The following DOCK1 variants were observed in gnomAD, a reference collection of about 807,000 sequenced individuals.
The protein encoded by DOCK1 is dedicator of cytokinesis 1.
In DOCK1, 138 loss-of-function variants were observed where a neutral mutation model predicts 262.7. That is an observed-to-expected ratio of 0.53 (90% confidence interval 0.46 to 0.61). DOCK1 has a LOEUF of 0.61. DOCK1 is among the 20% of genes least tolerant of loss of function. DOCK1 has a pLI of 0.00. For missense variants in DOCK1, 1,908 were observed against 2,370.7 expected, an observed-to-expected ratio of 0.80 and a Z score of 4.05; for synonymous variants, 866 against 867.4, an observed-to-expected ratio of 1.00 and a Z score of 0.03.
chr10:127,398,500 G>C (rs1178992823), intron 38 of DOCK1, among the ~76,000 whole-genome samples: 2 of 152,216 alleles, frequency 1.3e-5, no homozygotes, highest in African/African-American at 4.8e-5. Flanking sequence ...CTCCTGTGCT[G>C]CTGAGGGACC....
intron 26 of DOCK1, 126 bp downstream of exon 26, chr10:127,125,727 C>T: frequency 3.8e-6 from 5 of 1,321,258 alleles, no homozygotes; most frequent in South Asian, 1.9e-5. Flanking sequence ...CTTTTTGTCT[C>T]GGTAGAGTTG....
intron 27 of DOCK1, among the ~76,000 whole-genome samples, chr10:127,186,507 G>GC (rs1326283340): frequency 0.074 from 439 of 5,914 alleles, 18 homozygotes; most frequent in African/African-American, 0.13. Context: ...GGGAGAAACC[G>GC]CCCCCCCGCC....
At chr10:127,371,318 G>A (rs912733919) in intron 33 of DOCK1, among the ~76,000 whole-genome samples, 6 of 152,172 alleles carry the variant, frequency 3.9e-5, no homozygotes, top group Non-Finnish European at 5.9e-5. Context: ...TTGGACTAGG[G>A]TTAGTAAAAT....
intron 27 of DOCK1, among the ~76,000 whole-genome samples, chr10:127,202,646 T>C (rs1419221542): frequency 6.6e-6 from 1 of 152,192 alleles, no homozygotes; most frequent in Non-Finnish European, 1.5e-5. Flanking sequence ...AAGCCCTGAC[T>C]GAATATGAGA....
chr10:127,128,300 TC>T (rs2050094451), intron 27 of DOCK1, among the ~76,000 whole-genome samples: 1 of 151,880 alleles, frequency 6.6e-6, no homozygotes, highest in Non-Finnish European at 1.5e-5. Context: ...TAAGTCTGTT[TC>T]CTTCAGCAAA....
At chr10:127,391,024 C>T (rs946967536) in intron 38 of DOCK1, among the ~76,000 whole-genome samples, 22 of 152,320 alleles carry the variant, frequency 1.4e-4, no homozygotes, top group African/African-American at 5.3e-4. Context: ...GGAAGCTGCC[C>T]ACTGTCCTGT....
intron 29 of DOCK1, among the ~76,000 whole-genome samples, chr10:127,327,889 T>G (rs1386799731): frequency 6.6e-6 from 1 of 152,176 alleles, no homozygotes; most frequent in African/African-American, 2.4e-5. Context: ...CTGTCACTTA[T>G]AGATCACTTA....
intron 29 of DOCK1, among the ~76,000 whole-genome samples, chr10:127,301,814 C>T (rs377354270): frequency 2.0e-5 from 3 of 151,866 alleles, no homozygotes; most frequent in South Asian, 4.2e-4. Flanking sequence ...GGCATGGTGG[C>T]GGGTGCCTGT....
At chr10:127,050,486 G>A (rs1342127919) in intron 21 of DOCK1, among the ~76,000 whole-genome samples, 1 of 152,160 alleles carries the variant, frequency 6.6e-6, no homozygotes, top group East Asian at 1.9e-4. Flanking sequence ...GCTGAGGTGG[G>A]TGGATCACGA....
rs1313033397 is a variant in DOCK1 at position 126,905,486 on chromosome 10, C to T, written c.-32C>T. The T allele has an allele frequency of 7.6e-6, 4 of 529,064 alleles. No homozygotes were observed. The highest frequency in any genetic ancestry group is 7.4e-5 in the East Asian group (2 of 26,924). 32.8% of individuals were successfully genotyped at this position (529,064 alleles called of 1,614,324 possible). A position where few individuals can be genotyped will look rare whatever the true frequency, so the allele number is the denominator to read the frequency against. On this transcript the variant is annotated 5_prime_UTR_variant, in exon 1 of 52. Coordinates refer to ENST00000623213, the MANE Select transcript of DOCK1 (RefSeq NM_001290223.2). The stretch of plus-strand genomic sequence containing the variant: ...AAATGGCGGCCTAGACGCGGAGTTT[C>T]CTGCCCGACCCGCGGCGGCTCCGGC...
intron 27 of DOCK1, among the ~76,000 whole-genome samples, chr10:127,186,829 G>T (rs887161239): frequency 6.6e-6 from 1 of 152,082 alleles, no homozygotes; most frequent in Non-Finnish European, 1.5e-5. Flanking sequence ...TAGGGGAACG[G>T]TGAGTCGAGA....
intron 23 of DOCK1, among the ~76,000 whole-genome samples, chr10:127,095,113 A>G (rs2047829395): frequency 6.6e-6 from 1 of 152,232 alleles, no homozygotes; most frequent in Admixed American, 6.5e-5. Flanking sequence ...ATTCCTGGCA[A>G]GTGGATTGTG....
At chr10:127,141,425 A>G (rs2051231240) in intron 27 of DOCK1, among the ~76,000 whole-genome samples, 1 of 152,178 alleles carries the variant, frequency 6.6e-6, no homozygotes. Flanking sequence ...AATTCTGGCC[A>G]GGCACGGTGG....
At chr10:127,330,614 A>C (rs1054357236) in intron 29 of DOCK1, among the ~76,000 whole-genome samples, 7 of 152,156 alleles carry the variant, frequency 4.6e-5, no homozygotes, top group Non-Finnish European at 7.3e-5. Flanking sequence ...AAGGTACATA[A>C]ATTTGGAAAG....
chr10:127,357,212 T>C (rs1026847853), intron 32 of DOCK1, among the ~76,000 whole-genome samples: 1 of 152,222 alleles, frequency 6.6e-6, no homozygotes, highest in Non-Finnish European at 1.5e-5. Context: ...CCCTGACTGA[T>C]GGGTGCTCCT....
At chr10:127,092,951 G>A (rs111471813) in intron 23 of DOCK1, among the ~76,000 whole-genome samples, 19 of 152,200 alleles carry the variant, frequency 1.2e-4, no homozygotes, top group Non-Finnish European at 2.5e-4. Flanking sequence ...CAAACGAGGG[G>A]CTTCAAACAA....
chr10:127,302,739 GGGGTGTGTGTGTGT>G lies in DOCK1; in HGVS notation c.3045-36265_3045-36252del, dbSNP rs1209440124. On this transcript the variant is annotated intron_variant, in intron 29 of 51. Transcript: ENST00000623213. ...AGCTTTTCCTAACTCTGGAAAAGAG[GGGGTGTGTGTGTGT>G]GTGTGTGTGTGTGTGTGTGTGTGTG... 6.2e-3 allele frequency among the ~76,000 whole-genome samples: 775 copies of G among 124,596 alleles called. 6 individuals are homozygous for G. The highest frequency in any genetic ancestry group is 0.021 in the African/African-American group (693 of 33,772). The allele number at this position is 124,596 out of a possible 152,430, so 81.7% of individuals were successfully genotyped here.
intron 27 of DOCK1, among the ~76,000 whole-genome samples, chr10:127,143,206 T>G (rs1479324290): frequency 6.6e-6 from 1 of 152,208 alleles, no homozygotes; most frequent in Non-Finnish European, 1.5e-5. Flanking sequence ...GTCGTCCATG[T>G]GTAACAGTTA....
chr10:127,181,896 T>C (rs980210817), intron 27 of DOCK1, among the ~76,000 whole-genome samples: 8 of 152,218 alleles, frequency 5.3e-5, no homozygotes, highest in African/African-American at 1.7e-4. Flanking sequence ...CCAGCTGCCA[T>C]AGATGGTGGA....
Sources: allele counts gnomAD v4.1 joint callset (sites outside exome capture counted in the v4.1 genomes callset), GRCh38; gene constraint gnomAD v4.1.1; transcripts MANE v1.5; gene names NCBI Gene and HGNC (gene_info 2026-07-23, HGNC 2026-07-21).